Variants in C1orf198 observed in about 807,000 individuals in gnomAD.
C1orf198 encodes the protein uncharacterized protein C1orf198.
In C1orf198, 17 loss-of-function variants were observed where a neutral mutation model predicts 31.4. The observed-to-expected ratio is 0.54, with a 90% CI of 0.37 to 0.81. C1orf198 has a LOEUF of 0.81. Among genes scored for constraint, C1orf198 ranks in the 40% least tolerant of loss-of-function variants. The pLI, the probability that C1orf198 is intolerant of heterozygous loss-of-function variation, is 0.00. For synonymous variants in C1orf198, 175 were observed against 193.8 expected (o/e 0.90, Z 0.81); for missense variants, 401 against 450.3 (o/e 0.89, Z 0.99).
chr1:230,839,899 T>G lies in C1orf198; in HGVS notation c.937A>C (p.Ser313Arg). The change falls in exon 4 of 4, where the codon AGT becomes CGT. Residue 313 changes from serine (S) to arginine (R), a missense_variant. Coordinates refer to ENST00000366663, the MANE Select transcript of C1orf198 (RefSeq NM_032800.3). ...SEPKFAQVSS[S>R]NVVLKTGFDF... ...AATCCCGTCTTCAAGACGACATTAC[T>G]TGAGCTGACCTGTAGAAGGGACAAA... The G allele has an allele frequency of 6.2e-7, 1 of 1,610,946 alleles. No individual in the cohort carries two copies. The highest frequency in any genetic ancestry group is 1.1e-5 in the South Asian group (1 of 89,930).
rs763649009 is a variant in C1orf198 at position 230,843,435 on chromosome 1, C to G, written c.846G>C (p.Gln282His). 6.3e-7 allele frequency: 1 copy of G among 1,593,390 alleles called. No homozygotes were observed. The highest frequency in any genetic ancestry group is 8.5e-7 in the Non-Finnish European group (1 of 1,169,720). ...CAGGAGATGGCAGCTTCCCCTCGAG[C>G]TGGGAGGGGGCAGCCTCGTGCAGTG... is the stretch of plus-strand genomic sequence containing the variant. ...SSALHEAAPS[Q>H]LEGKLPSPDV... Residue 282 changes from glutamine to histidine, a missense_variant, in exon 3 of 4, where the codon CAG (glutamine) becomes CAC (histidine). By Grantham distance (24) the Gln-to-His change is conservative. Coordinates refer to ENST00000366663, the MANE Select transcript of C1orf198 (RefSeq NM_032800.3). This position sits in a 1 kb window ranked among gnomAD's most constrained non-coding sequence, Gnocchi z 4.9.
chr1:230,860,699 A>G (rs1669985409), intron 1 of C1orf198, among the ~76,000 whole-genome samples: 2 of 152,232 alleles, frequency 1.3e-5, no homozygotes, highest in Admixed American at 1.3e-4. Context: ...GTTATCAGAG[A>G]CTGAGGCCAG....
At chr1:230,852,638 C>A (rs1221359270) in intron 2 of C1orf198, among the ~76,000 whole-genome samples, 1 of 152,052 alleles carries the variant, frequency 6.6e-6, no homozygotes, top group Non-Finnish European at 1.5e-5. Flanking sequence ...GTACTGAATG[C>A]CACCAGACTA....
chr1:230,851,490 T>C (rs1288928644), intron 2 of C1orf198, among the ~76,000 whole-genome samples: 2 of 152,328 alleles, frequency 1.3e-5, no homozygotes, highest in East Asian at 3.9e-4. Context: ...CTCCACTCCC[T>C]GCCTCCTCCT....
intron 1 of C1orf198, among the ~76,000 whole-genome samples, chr1:230,863,345 G>C (rs1572140160): frequency 6.6e-6 from 1 of 152,004 alleles, no homozygotes; most frequent in African/African-American, 2.4e-5. Context: ...CTAAAGAAAT[G>C]AGCAAAATAT....
At chr1:230,862,307 A>T (rs1670021781) in intron 1 of C1orf198, among the ~76,000 whole-genome samples, 2 of 152,222 alleles carry the variant, frequency 1.3e-5, no homozygotes, top group Admixed American at 1.3e-4. Flanking sequence ...CTTCTGCTAT[A>T]GTTATTTCTA....
chr1:230,853,561 G>T (rs1241699959), intron 2 of C1orf198, among the ~76,000 whole-genome samples: 1 of 152,076 alleles, frequency 6.6e-6, no homozygotes, highest in Non-Finnish European at 1.5e-5. Flanking sequence ...GCTCTATTTT[G>T]CCCCTAGACG....
At position 230,839,682 on chromosome 1, in the gene C1orf198, C is replaced by A; in HGVS notation, c.*170G>T. On this transcript the variant is annotated 3_prime_UTR_variant, in exon 4 of 4. Transcript: ENST00000366663. Reference sequence around the variant, plus strand: ...CTGAAAATAGCATATATATCTGGTTCTACCAAAAAAGAAAAAAATCTGGCA... The same window carrying A: ...CTGAAAATAGCATATATATCTGGTTATACCAAAAAAGAAAAAAATCTGGCA... 1 of 590,412 alleles carries A rather than the reference C, an allele frequency of 1.7e-6. No individual in the cohort carries two copies. Among genetic ancestry groups the A allele is most frequent in the East Asian group, 3.3e-5 (1 of 30,380 alleles). The allele number at this position is 590,412 out of a possible 1,614,324, so 36.6% of individuals were successfully genotyped here.
intron 1 of C1orf198, among the ~76,000 whole-genome samples, chr1:230,864,329 A>G (rs2102993172): frequency 1.3e-5 from 2 of 152,340 alleles, no homozygotes; most frequent in East Asian, 1.9e-4. Flanking sequence ...GTAGCAGCTC[A>G]GCAGTTTGCT....
At chr1:230,856,522 C>T (rs1669879975) in intron 1 of C1orf198, among the ~76,000 whole-genome samples, 1 of 152,186 alleles carries the variant, frequency 6.6e-6, no homozygotes, top group South Asian at 2.1e-4. Flanking sequence ...GCAAATGTCT[C>T]ATCTGTGTCC....
chr1:230,861,437 T>C (rs1270009154), intron 1 of C1orf198, among the ~76,000 whole-genome samples: 1 of 152,234 alleles, frequency 6.6e-6, no homozygotes, highest in Non-Finnish European at 1.5e-5. Flanking sequence ...ACTCATCATT[T>C]CAATACAGTT....
Position 230,845,089 on chromosome 1 carries a change from A to T in C1orf198, c.385-1193T>A, listed in dbSNP as rs1459035878. ...TCTTTCTAAAATAAATTAATACGCC[A>T]GATGTGGTGGCTCACGCCTATAATC... On this transcript the variant is annotated intron_variant, in intron 2 of 3. Transcript: ENST00000366663. Among the ~76,000 whole-genome samples the T allele has an allele frequency of 2.0e-5, 3 of 152,154 alleles. No individual in the cohort carries two copies. The East Asian group carries it at 5.8e-4, about 29-fold the overall frequency.
At chr1:230,858,508 G>A (rs1669930239) in intron 1 of C1orf198, among the ~76,000 whole-genome samples, 1 of 152,200 alleles carries the variant, frequency 6.6e-6, no homozygotes, top group African/African-American at 2.4e-5. Flanking sequence ...TTAGTTCCAG[G>A]AGGAAGAACC....
rs1670165411 is a variant in C1orf198 at position 230,868,213 on chromosome 1, G to T, written c.300C>A (p.Pro100=). 6.5e-7 allele frequency: 1 copy of T among 1,534,808 alleles called. No homozygotes were observed. The highest frequency in any genetic ancestry group is 2.6e-5 in the East Asian group (1 of 38,342). ...ELTRFPGLRG[P]TGQKVVRFGD... is the part of the protein sequence containing the mutation. ...CGAAGCGCACCACCTTCTGGCCCGT[G>T]GGCCCGCGCAAGCCGGGGAAGCGCG... Residue 100 remains proline (P), a synonymous_variant, in exon 1 of 4, where the codon CCC becomes CCA. Coordinates refer to ENST00000366663, the MANE Select transcript of C1orf198 (RefSeq NM_032800.3).
intron 1 of C1orf198, among the ~76,000 whole-genome samples, chr1:230,867,319 G>A (rs974241405): frequency 6.6e-6 from 1 of 152,184 alleles, no homozygotes; most frequent in African/African-American, 2.4e-5. Flanking sequence ...GAACCCTACA[G>A]AAGATTCAGG....
At chr1:230,845,146 C>T (rs1669553080) in intron 2 of C1orf198, among the ~76,000 whole-genome samples, 1 of 150,210 alleles carries the variant, frequency 6.7e-6, no homozygotes, top group Non-Finnish European at 1.5e-5. Flanking sequence ...GATAGAAAAT[C>T]GCTTGAGCCC....
In C1orf198 at chr1:230,843,453, G is replaced by C. The variant is rs750314997; in HGVS notation, c.828C>G (p.His276Gln). Residue 276 changes from histidine (H) to glutamine (Q), a missense_variant, in exon 3 of 4, where the codon CAC becomes CAG. His to Gln is a conservative substitution (Grantham distance 24). Transcript: ENST00000366663. The surrounding 1 kb of genome is among the most constrained non-coding windows in gnomAD (Gnocchi z 4.9). ...QPVQAFSSAL[H>Q]EAAPSQLEGK... The stretch of plus-strand genomic sequence containing the variant: ...CCTCGAGCTGGGAGGGGGCAGCCTC[G>C]TGCAGTGCACTGCTGAAGGCCTGGA... 3.7e-6 allele frequency: 6 copies of C among 1,605,444 alleles called. No individual in the cohort carries two copies. The African/African-American group carries it at 8.0e-5, about 22-fold the overall frequency.
At chr1:230,852,962 G>A (rs1231857990) in intron 2 of C1orf198, among the ~76,000 whole-genome samples, 4 of 152,170 alleles carry the variant, frequency 2.6e-5, no homozygotes, top group African/African-American at 9.7e-5. Flanking sequence ...AAGAGTCCTC[G>A]TAGGCTTCCG....
Position 230,843,645 on chromosome 1 carries a change from A to G in C1orf198, c.636T>C (p.Pro212=). ...GPEAEFQSLT[P]SQIKSMEKGE... ...CCTTCTCCATGGACTTGATCTGGCT[A>G]GGGGTCAGCGACTGGAACTCGGCCT... The change falls in exon 3 of 4, where the codon CCT becomes CCC. Residue 212 remains proline (P), a synonymous_variant. Coordinates refer to ENST00000366663, the MANE Select transcript of C1orf198 (RefSeq NM_032800.3). The surrounding 1 kb of genome is among the most constrained non-coding windows in gnomAD (Gnocchi z 4.9). 1.9e-6 allele frequency: 3 copies of G among 1,614,166 alleles called. No homozygotes were observed. Among genetic ancestry groups the G allele is most frequent in the Non-Finnish European group, 2.5e-6 (3 of 1,180,020 alleles).
Sources: allele counts gnomAD v4.1 joint callset (sites outside exome capture counted in the v4.1 genomes callset), GRCh38; gene constraint gnomAD v4.1.1; non-coding constraint Gnocchi (gnomAD v3.1); transcripts MANE v1.5; gene names NCBI Gene and HGNC (gene_info 2026-07-23, HGNC 2026-07-21).